Variants in WWTR1 observed in about 807,000 individuals in gnomAD.
WWTR1 encodes the protein WW domain-containing transcription regulator protein 1.
A neutral mutation model predicts 40.1 loss-of-function variants in WWTR1; 13 were observed. The observed-to-expected ratio is 0.32, with a 90% CI of 0.21 to 0.52. The LOEUF (loss-of-function observed/expected upper bound fraction) is 0.52. WWTR1 is among the 20% of genes least tolerant of loss of function. The probability of loss-of-function intolerance (pLI) is 0.97; values close to 1 mark genes in which losing one functional copy is unlikely to be tolerated. For synonymous variants in WWTR1, 230 were observed against 210.1 expected (o/e 1.09, Z -0.82); for missense variants, 436 against 523.1 (o/e 0.83, Z 1.63).
At chr3:149,562,584 T>C (rs954988908) in intron 3 of WWTR1, among the ~76,000 whole-genome samples, 6 of 144,000 alleles carry the variant, frequency 4.2e-5, no homozygotes, top group African/African-American at 1.3e-4. Context: ...CTTTTTTTTT[T>C]CTGCCTTAAA....
intron 2 of WWTR1, among the ~76,000 whole-genome samples, chr3:149,619,124 A>G (rs910865896): frequency 1.2e-4 from 19 of 152,324 alleles, no homozygotes; most frequent in African/African-American, 4.6e-4. Flanking sequence ...GAAATTCACC[A>G]TCAGTCACAC....
At chr3:149,582,862 G>A (rs1738220343) in intron 2 of WWTR1, among the ~76,000 whole-genome samples, 2 of 152,144 alleles carry the variant, frequency 1.3e-5, no homozygotes, top group South Asian at 4.1e-4. Context: ...ATATGTACTT[G>A]GTAGAGTCTT....
At chr3:149,705,088 T>C (rs185876917), upstream of WWTR1, among the ~76,000 whole-genome samples, 73 of 152,082 alleles carry the variant, frequency 4.8e-4, no homozygotes, top group Non-Finnish European at 8.8e-4. Context: ...ATGATAAAGT[T>C]GAGAAACTAG....
chr3:149,674,417 T>C (rs965402693), intron 1 of WWTR1, among the ~76,000 whole-genome samples: 3 of 151,296 alleles, frequency 2.0e-5, no homozygotes, highest in African/African-American at 7.3e-5. Context: ...TGAAACCCCA[T>C]CTCTACTAAA....
intron 3 of WWTR1, among the ~76,000 whole-genome samples, chr3:149,560,805 C>G (rs773776142): frequency 2.6e-5 from 4 of 152,036 alleles, no homozygotes; most frequent in Non-Finnish European, 5.9e-5. Flanking sequence ...TACTGGGAAG[C>G]AAAATAACTT....
chr3:149,555,778 G>C (rs886706900), intron 3 of WWTR1, among the ~76,000 whole-genome samples: 5 of 152,162 alleles, frequency 3.3e-5, no homozygotes, highest in African/African-American at 1.2e-4. Context: ...CTAGGAAGTA[G>C]AGATACAATG....
intron 1 of WWTR1, among the ~76,000 whole-genome samples, chr3:149,674,235 GT>G (rs1559837458): frequency 6.7e-6 from 1 of 148,462 alleles, no homozygotes; most frequent in African/African-American, 2.5e-5. Context: ...CTCTGTCTCT[GT>G]CTCTCTCTCT....
intron 2 of WWTR1, among the ~76,000 whole-genome samples, chr3:149,600,078 G>A (rs765924132): frequency 1.1e-4 from 17 of 152,168 alleles, no homozygotes; most frequent in Non-Finnish European, 2.2e-4. Context: ...TAAAGTATAA[G>A]AGAGGATGTG....
chr3:149,547,761 A>T (rs1381499337), intron 3 of WWTR1, among the ~76,000 whole-genome samples: 2 of 151,678 alleles, frequency 1.3e-5, no homozygotes, highest in East Asian at 3.9e-4. Context: ...AGAGAGTCAG[A>T]ATTTAAATTT....
intron 2 of WWTR1, among the ~76,000 whole-genome samples, chr3:149,582,587 C>T (rs1396526408): frequency 3.3e-5 from 5 of 151,490 alleles, no homozygotes; most frequent in East Asian, 1.9e-4. Flanking sequence ...AAATATGAGT[C>T]GGGCGTGGTG....
intron 2 of WWTR1, among the ~76,000 whole-genome samples, chr3:149,593,807 G>T (rs1410406351): frequency 6.6e-6 from 1 of 152,210 alleles, no homozygotes; most frequent in African/African-American, 2.4e-5. Context: ...AATATATACA[G>T]TATATCATTT....
chr3:149,712,289 C>T (rs1389327068), intron 5 of WWTR1, among the ~76,000 whole-genome samples: 1 of 152,026 alleles, frequency 6.6e-6, no homozygotes, highest in African/African-American at 2.4e-5. Flanking sequence ...AAAGCAAGAC[C>T]CTATCCTTGC....
intron 2 of WWTR1, among the ~76,000 whole-genome samples, chr3:149,666,500 T>A (rs10513356): frequency 0.031 from 4,740 of 152,306 alleles, 151 homozygotes; most frequent in East Asian, 0.13. Flanking sequence ...AATTTGACCA[T>A]ATGATTGAAG....
At chr3:149,619,979 T>C (rs1402477701) in intron 2 of WWTR1, among the ~76,000 whole-genome samples, 1 of 152,324 alleles carries the variant, frequency 6.6e-6, no homozygotes, top group East Asian at 1.9e-4. Context: ...CACCTTCCTT[T>C]AGTCACCCAA....
At chr3:149,564,825 T>G (rs1398312394) in intron 3 of WWTR1, among the ~76,000 whole-genome samples, 1 of 152,210 alleles carries the variant, frequency 6.6e-6, no homozygotes, top group Admixed American at 6.5e-5. Context: ...TGTGTAAAAT[T>G]AGAATGTTAC....
intron 2 of WWTR1, among the ~76,000 whole-genome samples, chr3:149,633,404 T>C (rs1320030238): frequency 6.6e-6 from 1 of 152,078 alleles, no homozygotes; most frequent in African/African-American, 2.4e-5. Context: ...ATAAAATATA[T>C]ATGCAAGTGT....
intron 2 of WWTR1, among the ~76,000 whole-genome samples, chr3:149,630,605 T>A (rs1711518810): frequency 6.6e-6 from 1 of 152,230 alleles, no homozygotes; most frequent in Non-Finnish European, 1.5e-5. Context: ...CCCAGTCACC[T>A]GCTTAAGCCC....
chr3:149,548,294 C>T (rs1000261089), intron 3 of WWTR1, among the ~76,000 whole-genome samples: 1 of 152,172 alleles, frequency 6.6e-6, no homozygotes, highest in Non-Finnish European at 1.5e-5. Flanking sequence ...AGCCACAGCT[C>T]GTAGAGAAAG....
At chr3:149,664,118 C>T (rs1713705963) in intron 2 of WWTR1, among the ~76,000 whole-genome samples, 1 of 152,226 alleles carries the variant, frequency 6.6e-6, no homozygotes, top group South Asian at 2.1e-4. Context: ...TGGTTAGAAA[C>T]TTGGTGGGGT....
Sources: allele counts gnomAD v4.1 joint callset (sites outside exome capture counted in the v4.1 genomes callset), GRCh38; gene constraint gnomAD v4.1.1; transcripts MANE v1.5; gene names NCBI Gene and HGNC (gene_info 2026-07-23, HGNC 2026-07-21).